Variants in COL4A2 observed in about 807,000 individuals in gnomAD.
COL4A2 encodes collagen type IV alpha 2 chain.
COL4A2 carries 99 observed loss-of-function variants against 200.2 expected under a neutral mutation model. The ratio of observed to expected loss-of-function variants is 0.49; its 90% CI spans 0.42 to 0.58. COL4A2 has a LOEUF of 0.58. COL4A2 is among the 20% of genes least tolerant of loss of function. The pLI is 0.00. For missense variants in COL4A2, 1,950 were observed against 2,314.1 expected, an observed-to-expected ratio of 0.84 and a Z score of 3.23; for synonymous variants, 897 against 900.6, an observed-to-expected ratio of 1.00 and a Z score of 0.07.
At chr13:110,308,624 A>T (rs1884878235) in intron 3 of COL4A2, among the ~76,000 whole-genome samples, 1 of 152,100 alleles carries the variant, frequency 6.6e-6, no homozygotes, top group African/African-American at 2.4e-5. Flanking sequence ...TTTGAATTGA[A>T]GCATTGCGAG....
rs421177 is a variant in COL4A2 at position 110,492,218 on chromosome 13, C to T, written c.3562+41C>T. 226,109 of 1,527,260 alleles carry T rather than the reference C, an allele frequency of 0.15. 18,380 individuals are homozygous for T. The highest frequency in any genetic ancestry group is 0.24 in the African/African-American group (17,717 of 72,626). The allele number at this position is 1,527,260 out of a possible 1,614,324, so 94.6% of individuals were successfully genotyped here. On this transcript the variant is annotated intron_variant, in intron 38 of 47. Transcript: ENST00000360467. Reference sequence around the variant, plus strand: ...ACACGTGGTCACCCAGACCCAGAGTCGTGGGCTGTGCAGGAGGCACCGCTG... The same window carrying T: ...ACACGTGGTCACCCAGACCCAGAGTTGTGGGCTGTGCAGGAGGCACCGCTG...
chr13:110,489,991 C>G (rs1185835448), intron 36 of COL4A2, among the ~76,000 whole-genome samples: 1 of 152,204 alleles, frequency 6.6e-6, no homozygotes, highest in African/African-American at 2.4e-5. Context: ...TTCTCTCTCT[C>G]TGTCTCTCTC....
chr13:110,435,709 T>C (rs1880846611), intron 12 of COL4A2, among the ~76,000 whole-genome samples: 1 of 152,222 alleles, frequency 6.6e-6, no homozygotes, highest in Non-Finnish European at 1.5e-5. Context: ...AACGGTCCAG[T>C]AATGTTCTAG....
chr13:110,450,379 G>A lies in COL4A2; in HGVS notation c.1264G>A (p.Gly422Arg), dbSNP rs779091629. Residue 422 changes from glycine to arginine, a missense_variant, in exon 20 of 48, where the codon GGG (glycine) becomes AGG (arginine). Coordinates refer to ENST00000360467, the MANE Select transcript of COL4A2 (RefSeq NM_001846.4). Reference protein sequence around the residue: ...IGDPGIPALYGGPPGPDGKRG... With the variant: ...IGDPGIPALYRGPPGPDGKRG... ...AGACCCCGGCATCCCTGCGCTCTAC[G>A]GGGGCCCACCTGGACCTGATGGAAA... 64 of 1,613,586 alleles carry A rather than the reference G, an allele frequency of 4.0e-5. 1 individual carries two copies. Among genetic ancestry groups the A allele is most frequent in the South Asian group, 3.8e-4 (35 of 91,092 alleles).
At chr13:110,457,064 T>C (rs1329723135) in intron 20 of COL4A2, 1 of 293,674 alleles carries the variant, frequency 3.4e-6, no homozygotes, top group African/African-American at 6.6e-5. Context: ...GTGGGGCTGA[T>C]GCCCTGCGTC....
chr13:110,357,352 G>A (rs968064323), intron 3 of COL4A2, 120 bp from the exon 4 acceptor site: 2 of 1,403,660 alleles, frequency 1.4e-6, no homozygotes, highest in Admixed American at 2.6e-5. Context: ...AAGCCTTATT[G>A]AATGTTTTGA....
chr13:110,339,337 A>G (rs1876348566), intron 3 of COL4A2, among the ~76,000 whole-genome samples: 1 of 152,206 alleles, frequency 6.6e-6, no homozygotes, highest in Non-Finnish European at 1.5e-5. Context: ...GGATGGAGGG[A>G]ATCACTGGTG....
At chr13:110,390,654 T>C (rs994390113) in intron 4 of COL4A2, among the ~76,000 whole-genome samples, 23 of 152,238 alleles carry the variant, frequency 1.5e-4, no homozygotes, top group African/African-American at 5.5e-4. Context: ...GACTGGAAAG[T>C]CCATTCTCAT....
intron 3 of COL4A2, chr13:110,328,249 C>T (rs1034118071): frequency 6.6e-6 from 1 of 152,216 alleles, no homozygotes; most frequent in African/African-American, 2.4e-5. Context: ...GAGCCTCTGT[C>T]GGAGGACCAT....
intron 3 of COL4A2, among the ~76,000 whole-genome samples, chr13:110,355,400 CT>C (rs1379229491): frequency 1.3e-5 from 1 of 79,142 alleles, no homozygotes; most frequent in Non-Finnish European, 2.3e-5. Context: ...GAGGGCTGCA[CT>C]AGCTCACCTG....
chr13:110,347,577 G>A (rs1261147996), intron 3 of COL4A2, among the ~76,000 whole-genome samples: 2 of 152,210 alleles, frequency 1.3e-5, no homozygotes, highest in Non-Finnish European at 2.9e-5. Flanking sequence ...CTGTCATTCA[G>A]CCTGCTTTAA....
chr13:110,359,141 A>T (rs1052303734), intron 4 of COL4A2, among the ~76,000 whole-genome samples: 1 of 152,208 alleles, frequency 6.6e-6, no homozygotes. Context: ...AATGTCTTTG[A>T]TGTGGTCCGT....
intron 4 of COL4A2, 117 bp downstream of exon 4, chr13:110,357,669 T>C (rs1877340276): frequency 3.6e-6 from 5 of 1,408,274 alleles, no homozygotes; most frequent in African/African-American, 2.9e-5. Flanking sequence ...TGCTTGAACA[T>C]ACTGGAGAGT....
chr13:110,359,946 G>A (rs1232854302), intron 4 of COL4A2, among the ~76,000 whole-genome samples: 1 of 152,162 alleles, frequency 6.6e-6, no homozygotes, highest in East Asian at 1.9e-4. Flanking sequence ...GCCTGCTGTG[G>A]GGACTTTATG....
intron 39 of COL4A2, 146 bp from the exon 40 acceptor site, chr13:110,495,196 G>A (rs1445018687): frequency 5.7e-6 from 5 of 879,162 alleles, no homozygotes; most frequent in African/African-American, 3.3e-5. Flanking sequence ...GTGACCTGGA[G>A]GCCATATATT....
chr13:110,416,904 G>C (rs1880060291), intron 4 of COL4A2, among the ~76,000 whole-genome samples: 1 of 152,184 alleles, frequency 6.6e-6, no homozygotes, highest in Non-Finnish European at 1.5e-5. Context: ...ATTTCTGTCA[G>C]TATCACCATC....
At chr13:110,419,742 G>C (rs983111487) in intron 4 of COL4A2, among the ~76,000 whole-genome samples, 2 of 152,228 alleles carry the variant, frequency 1.3e-5, no homozygotes, top group Middle Eastern at 3.2e-3. Flanking sequence ...ACTTCAGAGA[G>C]GGAAAACAAT....
intron 47 of COL4A2, among the ~76,000 whole-genome samples, chr13:110,510,515 G>A (rs1430895264): frequency 6.6e-6 from 1 of 152,012 alleles, no homozygotes; most frequent in Non-Finnish European, 1.5e-5. Flanking sequence ...TACCAAGCCA[G>A]AGGTTTGTCC....
chr13:110,422,057 A>G (rs1044121287), intron 4 of COL4A2, among the ~76,000 whole-genome samples: 1 of 152,168 alleles, frequency 6.6e-6, no homozygotes, highest in Admixed American at 6.5e-5. Context: ...AATAATAATA[A>G]TCCCACTGGA....
Sources: allele counts gnomAD v4.1 joint callset (sites outside exome capture counted in the v4.1 genomes callset), GRCh38; gene constraint gnomAD v4.1.1; transcripts MANE v1.5; gene names NCBI Gene and HGNC (gene_info 2026-07-23, HGNC 2026-07-21).